HEXIM1: variants seen among roughly 807,000 people sequenced by gnomAD.
HEXIM1 encodes protein HEXIM1.
In HEXIM1, 1 loss-of-function variant was observed where a neutral mutation model predicts 30.3. The ratio of observed to expected loss-of-function variants is 0.03; its 90% CI spans 0.01 to 0.16. HEXIM1 has a LOEUF of 0.16. Ranked by LOEUF, HEXIM1 falls within the 10% of genes least tolerant of loss-of-function variation. HEXIM1 has a pLI of 1.00. For missense variants in HEXIM1, 391 were observed against 476.4 expected, an observed-to-expected ratio of 0.82 and a Z score of 1.67; for synonymous variants, 245 against 208.3, an observed-to-expected ratio of 1.18 and a Z score of -1.52.
In HEXIM1 at chr17:45,151,924, T is replaced by C. The variant is rs2055549928; in HGVS notation, c.*1654T>C. 2 of 167,080 alleles carry C rather than the reference T, an allele frequency of 1.2e-5. No homozygotes were observed. Among genetic ancestry groups the C allele is most frequent in the South Asian group, 4.1e-4 (2 of 4,838 alleles). 10.3% of individuals were successfully genotyped at this position (167,080 alleles called of 1,614,324 possible). A position where few individuals can be genotyped will look rare whatever the true frequency, so the allele number is the denominator to read the frequency against. On this transcript the variant is annotated 3_prime_UTR_variant, in exon 1 of 1. Transcript: ENST00000332499. ...TTCAAGAGTAAAATGCACCTTGTAT[T>C]GCATAAGAAGCATACACAAATCAAT... is the stretch of plus-strand genomic sequence containing the variant.
At position 45,148,874 on chromosome 17, in the gene HEXIM1, C is replaced by T. The variant is rs1197956401; in HGVS notation, c.-317C>T. 4.5e-6 allele frequency: 2 copies of T among 441,646 alleles called. No homozygotes were observed. 27.4% of individuals were successfully genotyped at this position (441,646 alleles called of 1,614,324 possible). ...CCCTCATCACCTTGCTCACCAACTC[C>T]TTTATTGGGGTGCTCCGCTTGGAGG... On this transcript the variant is annotated 5_prime_UTR_variant, in exon 1 of 1. Transcript: ENST00000332499.
rs1230905768 is a variant in HEXIM1, at chr17:45,149,483, C to T, written c.293C>T (p.Ser98Phe). The T allele has an allele frequency of 1.9e-6, 3 of 1,610,826 alleles. No homozygotes were observed. Among genetic ancestry groups the T allele is most frequent in the Non-Finnish European group, 1.7e-6 (2 of 1,179,128 alleles). ...GEKGQNGDDS[S>F]AGGDFPPPAE... ...AAGGGCCAGAATGGGGACGACTCGT[C>T]CGCTGGCGGCGACTTCCCGCCGCCG... is the stretch of plus-strand genomic sequence containing the variant. The change falls in exon 1 of 1, where the codon TCC becomes TTC. Residue 98 changes from serine (S) to phenylalanine (F), a missense_variant. Coordinates refer to ENST00000332499, the MANE Select transcript of HEXIM1 (RefSeq NM_006460.3). This position sits in a 1 kb window ranked among gnomAD's most constrained non-coding sequence, Gnocchi z 5.3.
In HEXIM1 at chr17:45,149,402, C is replaced by T. The variant is rs1024700122; in HGVS notation, c.212C>T (p.Pro71Leu). 1 of 1,613,362 alleles carries T rather than the reference C, an allele frequency of 6.2e-7. No individual in the cohort carries two copies. The highest frequency in any genetic ancestry group is 2.2e-5 in the East Asian group (1 of 44,846). Residue 71 changes from proline to leucine, a missense_variant, in exon 1 of 1, where the codon CCA (proline) becomes CTA (leucine). Pro to Leu is a moderately conservative substitution (Grantham distance 98). Transcript: ENST00000332499. This position sits in a 1 kb window ranked among gnomAD's most constrained non-coding sequence, Gnocchi z 5.3. ...GGGGAAGGGAGCCTGGAATCCCAAC[C>T]ACCTCCCTTGCAGACCCAGGCCTGT... is the stretch of plus-strand genomic sequence containing the variant. ...PEGEGSLESQ[P>L]PPLQTQACPE...
In HEXIM1 at chr17:45,149,841, G is replaced by A. The variant is rs200660499; in HGVS notation, c.651G>A (p.Glu217=). 7.4e-6 allele frequency: 12 copies of A among 1,613,690 alleles called. No individual in the cohort carries two copies. Among genetic ancestry groups the A allele is most frequent in the Non-Finnish European group, 1.7e-6 (2 of 1,180,022 alleles). The change falls in exon 1 of 1, where the codon GAG becomes GAA. Residue 217 remains glutamate, a synonymous_variant. Coordinates refer to ENST00000332499, the MANE Select transcript of HEXIM1 (RefSeq NM_006460.3). The surrounding 1 kb of genome is among the most constrained non-coding windows in gnomAD (Gnocchi z 5.3). ...QFLMDDHDQE[E]PDLKTGLYSK... Reference sequence around the variant, plus strand: ...TCATGGATGATCACGACCAGGAGGAGCCGGATCTCAAAACCGGCCTGTACT... The same window carrying A: ...TCATGGATGATCACGACCAGGAGGAACCGGATCTCAAAACCGGCCTGTACT...
Position 45,149,105 on chromosome 17 carries a change from CTTTTTCTTTTTT to C in HEXIM1, c.-83_-72del. On this transcript the variant is annotated 5_prime_UTR_variant, in exon 1 of 1. Transcript: ENST00000332499. This position sits in a 1 kb window ranked among gnomAD's most constrained non-coding sequence, Gnocchi z 5.3. Reference sequence around the variant, plus strand: ...GACTCTGTTGGACTGTTTTTTTTTTCTTTTTCTTTTTTTTAAGAAAAACCCATTTTTTTCCTT... The same window carrying C: ...GACTCTGTTGGACTGTTTTTTTTTTCTTAAGAAAAACCCATTTTTTTCCTT... 8.8e-7 allele frequency: 1 copy of C among 1,139,092 alleles called. No individual in the cohort carries two copies. Among genetic ancestry groups the C allele is most frequent in the Non-Finnish European group, 1.2e-6 (1 of 827,146 alleles). The allele number at this position is 1,139,092 out of a possible 1,614,324, so 70.6% of individuals were successfully genotyped here.
Position 45,149,702 on chromosome 17 carries a change from C to G in HEXIM1, c.512C>G (p.Thr171Ser). Residue 171 changes from threonine (T) to serine (S), a missense_variant, in exon 1 of 1, where the codon ACC becomes AGC. By Grantham distance (58) the Thr-to-Ser change is moderately conservative. This residue lies in a region of HEXIM1 where 30 missense variants were observed against 88.1 expected (regional missense o/e 0.34). Transcript: ENST00000332499. This position sits in a 1 kb window ranked among gnomAD's most constrained non-coding sequence, Gnocchi z 5.3. ...CATTGGAAACCGTACTACAAGCTGA[C>G]CTGGGAAGAGAAGAAAAAGTTCGAC... is the stretch of plus-strand genomic sequence containing the variant. Reference protein sequence around the residue: ...KRHWKPYYKLTWEEKKKFDEK... With the variant: ...KRHWKPYYKLSWEEKKKFDEK... 6.2e-7 allele frequency: 1 copy of G among 1,612,840 alleles called. No individual in the cohort carries two copies. Among genetic ancestry groups the G allele is most frequent in the South Asian group, 1.1e-5 (1 of 91,080 alleles).
At position 45,149,736 on chromosome 17, in the gene HEXIM1, G is replaced by A. The variant is rs199723229; in HGVS notation, c.546G>A (p.Gln182=). 6 of 1,613,612 alleles carry A rather than the reference G, an allele frequency of 3.7e-6. No individual in the cohort carries two copies. The Admixed American group carries it at 5.0e-5, about 13-fold the overall frequency. Residue 182 remains glutamine, a synonymous_variant, in exon 1 of 1, where the codon CAG becomes CAA. Coordinates refer to ENST00000332499, the MANE Select transcript of HEXIM1 (RefSeq NM_006460.3). The surrounding 1 kb of genome is among the most constrained non-coding windows in gnomAD (Gnocchi z 5.3). Reference sequence around the variant, plus strand: ...AGAAGAAAAAGTTCGACGAGAAACAGAGCCTTCGAGCTTCAAGGATCCGAG... The same window carrying A: ...AGAAGAAAAAGTTCGACGAGAAACAAAGCCTTCGAGCTTCAAGGATCCGAG... ...WEEKKKFDEK[Q]SLRASRIRAE...
rs1202165843 is a variant in HEXIM1, at chr17:45,150,857, A to G, written c.*587A>G. 1 of 167,134 alleles carries G rather than the reference A, an allele frequency of 6.0e-6. No individual in the cohort carries two copies. Among genetic ancestry groups the G allele is most frequent in the Non-Finnish European group, 1.5e-5 (1 of 68,186 alleles). 10.4% of individuals were successfully genotyped at this position (167,134 alleles called of 1,614,324 possible). On this transcript the variant is annotated 3_prime_UTR_variant, in exon 1 of 1. Transcript: ENST00000332499. ...ATATACAGTTCAGGCAAAATTTAAGATGTAATTATCTTCAATACTTAAGTG... is the reference window on the plus strand; with the variant it reads ...ATATACAGTTCAGGCAAAATTTAAGGTGTAATTATCTTCAATACTTAAGTG...
In HEXIM1 at chr17:45,151,045, T is replaced by C. The variant is rs2055544805; in HGVS notation, c.*775T>C. ...AATAACAAAAAATGTAAACCTAATT[T>C]GGCAGTTTGTTAGGTTAGACAACTG... On this transcript the variant is annotated 3_prime_UTR_variant, in exon 1 of 1. Transcript: ENST00000332499. 1 of 167,016 alleles carries C rather than the reference T, an allele frequency of 6.0e-6. No homozygotes were observed. Among genetic ancestry groups the C allele is most frequent in the South Asian group, 2.1e-4 (1 of 4,826 alleles). 10.3% of individuals were successfully genotyped at this position (167,016 alleles called of 1,614,324 possible).
rs974919366 is a variant in HEXIM1, at chr17:45,148,502, G to T, written c.-689G>T. 31 of 398,712 alleles carry T rather than the reference G, an allele frequency of 7.8e-5. No homozygotes were observed. The highest frequency in any genetic ancestry group is 4.4e-5 in the Admixed American group (1 of 22,698). 24.7% of individuals were successfully genotyped at this position (398,712 alleles called of 1,614,324 possible). On this transcript the variant is annotated 5_prime_UTR_variant, in exon 1 of 1. Coordinates refer to ENST00000332499, the MANE Select transcript of HEXIM1 (RefSeq NM_006460.3). ...CAGTTGGAAGTTGGCAGGTGGAGAGGCAGGTTGGGAGGGAAAGTCGGGGGA... is the reference window on the plus strand; with the variant it reads ...CAGTTGGAAGTTGGCAGGTGGAGAGTCAGGTTGGGAGGGAAAGTCGGGGGA...
chr17:45,149,935 G>T lies in HEXIM1; in HGVS notation c.745G>T (p.Asp249Tyr). 6.2e-7 allele frequency: 1 copy of T among 1,613,928 alleles called. No individual in the cohort carries two copies. The highest frequency in any genetic ancestry group is 8.5e-7 in the Non-Finnish European group (1 of 1,180,024). Residue 249 changes from aspartate to tyrosine, a missense_variant, in exon 1 of 1, where the codon GAT becomes TAT. By Grantham distance (160) the Asp-to-Tyr change is radical (BLOSUM62 -3). Transcript: ENST00000332499. The surrounding 1 kb of genome is among the most constrained non-coding windows in gnomAD (Gnocchi z 5.3). ...CTTCATGGAAGAAGGGGGTGAGGAG[G>T]ATGGGGGCAGCGATGGGATGGGAGG... ...DDFMEEGGEE[D>Y]GGSDGMGGDG...
In HEXIM1 at chr17:45,150,467, G is replaced by T. The variant is rs1189981835; in HGVS notation, c.*197G>T. 1.9e-5 allele frequency: 11 copies of T among 571,804 alleles called. No homozygotes were observed. Among genetic ancestry groups the T allele is most frequent in the Non-Finnish European group, 2.7e-5 (9 of 332,088 alleles). The allele number at this position is 571,804 out of a possible 1,614,324, so 35.4% of individuals were successfully genotyped here. A position where few individuals can be genotyped will look rare whatever the true frequency, so the allele number is the denominator to read the frequency against. On this transcript the variant is annotated 3_prime_UTR_variant, in exon 1 of 1. Transcript: ENST00000332499. ...CCTGTTCTTTTAATTATGTGAAACT[G>T]AAGAGTTGCTTTTCTTGTTTTCCTT... is the stretch of plus-strand genomic sequence containing the variant.
chr17:45,150,148 G>A lies in HEXIM1; in HGVS notation c.958G>A (p.Ala320Thr), dbSNP rs749545313. 6.2e-7 allele frequency: 1 copy of A among 1,613,528 alleles called. No individual in the cohort carries two copies. The highest frequency in any genetic ancestry group is 8.5e-7 in the Non-Finnish European group (1 of 1,180,038). Residue 320 changes from alanine to threonine, a missense_variant, in exon 1 of 1, where the codon GCG (alanine) becomes ACG (threonine). Coordinates refer to ENST00000332499, the MANE Select transcript of HEXIM1 (RefSeq NM_006460.3). ...GAGCAAGCGGCTGGGTGGCGACGACGCGCGTGTGCGGGAGCTGGAGCTGGA... is the reference window on the plus strand; with the variant it reads ...GAGCAAGCGGCTGGGTGGCGACGACACGCGTGTGCGGGAGCTGGAGCTGGA... The part of the protein sequence containing the change: ...LESKRLGGDD[A>T]RVRELELELD...
At position 45,148,515 on chromosome 17, in the gene HEXIM1, G is replaced by T; in HGVS notation, c.-676G>T. ...GCAGGTGGAGAGGCAGGTTGGGAGG[G>T]AAAGTCGGGGGAGGACGCGGAAGAG... On this transcript the variant is annotated 5_prime_UTR_variant, in exon 1 of 1. Coordinates refer to ENST00000332499, the MANE Select transcript of HEXIM1 (RefSeq NM_006460.3). 2.6e-6 allele frequency: 1 copy of T among 381,938 alleles called. No individual in the cohort carries two copies. The highest frequency in any genetic ancestry group is 4.6e-6 in the Non-Finnish European group (1 of 217,022). The allele number at this position is 381,938 out of a possible 1,614,324, so 23.7% of individuals were successfully genotyped here.
At position 45,149,434 on chromosome 17, in the gene HEXIM1, T is replaced by G; in HGVS notation, c.244T>G (p.Ser82Ala). 1 of 1,613,120 alleles carries G rather than the reference T, an allele frequency of 6.2e-7. No individual in the cohort carries two copies. Among genetic ancestry groups the G allele is most frequent in the Middle Eastern group, 1.6e-4 (1 of 6,062 alleles). ...PPLQTQACPE[S>A]SCLREGEKGQ... Reference sequence around the variant, plus strand: ...CTTGCAGACCCAGGCCTGTCCAGAATCTAGCTGCCTGAGAGAGGGCGAGAA... The same window carrying G: ...CTTGCAGACCCAGGCCTGTCCAGAAGCTAGCTGCCTGAGAGAGGGCGAGAA... The change falls in exon 1 of 1, where the codon TCT becomes GCT. Residue 82 changes from serine to alanine, a missense_variant. By Grantham distance (99) the Ser-to-Ala change is moderately conservative. Coordinates refer to ENST00000332499, the MANE Select transcript of HEXIM1 (RefSeq NM_006460.3). This position sits in a 1 kb window ranked among gnomAD's most constrained non-coding sequence, Gnocchi z 5.3.
Position 45,149,319 on chromosome 17 carries a change from G to C in HEXIM1, c.129G>C (p.Glu43Asp), listed in dbSNP as rs780022419. Residue 43 changes from glutamate (E) to aspartate (D), a missense_variant, in exon 1 of 1, where the codon GAG becomes GAC. Transcript: ENST00000332499. The surrounding 1 kb of genome is among the most constrained non-coding windows in gnomAD (Gnocchi z 5.3). ...GCGCGGAGGAGCGGGTGCCCGAGGA[G>C]GACAGTAGGTGGCAATCGAGAGCGT... ...PPGAEERVPE[E>D]DSRWQSRAFP... 4.9e-5 allele frequency: 79 copies of C among 1,613,526 alleles called. No homozygotes were observed. In the South Asian group the frequency reaches 8.3e-4, roughly 17 times the overall value.
chr17:45,149,111 CT>C lies in HEXIM1; in HGVS notation c.-72del, dbSNP rs779309521. Reference sequence around the variant, plus strand: ...GTTGGACTGTTTTTTTTTTCTTTTTCTTTTTTTTAAGAAAAACCCATTTTTT... The same window carrying C: ...GTTGGACTGTTTTTTTTTTCTTTTTCTTTTTTTAAGAAAAACCCATTTTTT... On this transcript the variant is annotated 5_prime_UTR_variant, in exon 1 of 1. Transcript: ENST00000332499. The surrounding 1 kb of genome is among the most constrained non-coding windows in gnomAD (Gnocchi z 5.3). 3.6e-5 allele frequency: 34 copies of C among 935,314 alleles called. 1 individual carries two copies. Among genetic ancestry groups the C allele is most frequent in the South Asian group, 4.6e-5 (2 of 43,544 alleles). 57.9% of individuals were successfully genotyped at this position (935,314 alleles called of 1,614,324 possible).
rs2055538714 is a variant in HEXIM1, at chr17:45,150,344, A to G, written c.*74A>G. ...GGAATGTAACATTATATACATGTGT[A>G]TATAAGACAGTGGACCTTTTTATGA... is the stretch of plus-strand genomic sequence containing the variant. On this transcript the variant is annotated 3_prime_UTR_variant, in exon 1 of 1. Coordinates refer to ENST00000332499, the MANE Select transcript of HEXIM1 (RefSeq NM_006460.3). 1.3e-6 allele frequency: 2 copies of G among 1,510,900 alleles called. No individual in the cohort carries two copies. Among genetic ancestry groups the G allele is most frequent in the East Asian group, 2.3e-5 (1 of 43,966 alleles). 93.6% of individuals were successfully genotyped at this position (1,510,900 alleles called of 1,614,324 possible). A position where few individuals can be genotyped will look rare whatever the true frequency, so the allele number is the denominator to read the frequency against.
In HEXIM1 at chr17:45,150,278, CTT is replaced by C. The variant is rs1484277848; in HGVS notation, c.*13_*14del. 1.9e-6 allele frequency: 3 copies of C among 1,603,704 alleles called. No homozygotes were observed. In the East Asian group the frequency reaches 6.7e-5, roughly 36 times the overall value. On this transcript the variant is annotated 3_prime_UTR_variant, in exon 1 of 1. Coordinates refer to ENST00000332499, the MANE Select transcript of HEXIM1 (RefSeq NM_006460.3). ...TCCAAGTTTGGAGACTAGACTGAAA[CTT>C]TTTTGGGGGAGGGGGCAAAGGGGAC... is the stretch of plus-strand genomic sequence containing the variant.
Sources: allele counts gnomAD v4.1 joint callset, GRCh38; gene constraint gnomAD v4.1.1; regional missense constraint gnomAD v4.1.1; non-coding constraint Gnocchi (gnomAD v3.1); transcripts MANE v1.5; gene names NCBI Gene and HGNC (gene_info 2026-07-23, HGNC 2026-07-21).